SEC22C: variants seen among roughly 807,000 people sequenced by gnomAD.
SEC22C encodes SEC22 homolog C, vesicle trafficking protein.
Under a neutral mutation model 34.7 loss-of-function variants are expected in SEC22C, and 29 were observed. That is an observed-to-expected ratio of 0.84 (90% CI 0.62 to 1.14). The LOEUF (loss-of-function observed/expected upper bound fraction) is 1.14. SEC22C is among the 50% of genes most tolerant of loss of function. SEC22C has a pLI of 0.00. For synonymous variants in SEC22C, 117 were observed against 132.8 expected (o/e 0.88, Z 0.82); for missense variants, 337 against 369.0 (o/e 0.91, Z 0.71).
intron 2 of SEC22C, among the ~76,000 whole-genome samples, chr3:42,568,097 A>T (rs534628890): frequency 6.6e-6 from 1 of 152,248 alleles, no homozygotes; most frequent in East Asian, 1.9e-4. Context: ...AAAAATTAAA[A>T]AGTGAAAAAT....
chr3:42,556,109 T>C, intron 5 of SEC22C, 114 bp from the exon 6 acceptor site: 1 of 756,148 alleles, frequency 1.3e-6, no homozygotes, highest in Non-Finnish European at 2.2e-6. Flanking sequence ...ACAAAATCCC[T>C]GGCTGGGTGA....
chr3:42,577,537 C>A (rs1376281599), intron 1 of SEC22C, among the ~76,000 whole-genome samples: 1 of 152,154 alleles, frequency 6.6e-6, no homozygotes, highest in Non-Finnish European at 1.5e-5. Context: ...TATGAAAATG[C>A]AACTTGAGAC....
Position 42,550,473 on chromosome 3 carries a change from C to T in SEC22C, c.*2775G>A. On this transcript the variant is annotated 3_prime_UTR_variant, in exon 7 of 7. Transcript: ENST00000264454. ...CCTGGGGATTTCCCTCGGATGAAATCACCAGAACTTCTTTCCTATTTTCAG... is the reference window on the plus strand; with the variant it reads ...CCTGGGGATTTCCCTCGGATGAAATTACCAGAACTTCTTTCCTATTTTCAG... 1 of 985,418 alleles carries T rather than the reference C, an allele frequency of 1.0e-6. No homozygotes were observed. The highest frequency in any genetic ancestry group is 1.7e-5 in the African/African-American group (1 of 57,354). 61.0% of individuals were successfully genotyped at this position (985,418 alleles called of 1,614,324 possible). A position where few individuals can be genotyped will look rare whatever the true frequency, so the allele number is the denominator to read the frequency against.
In SEC22C at chr3:42,550,283, C is replaced by T; in HGVS notation, c.*2965G>A. ...ATTCCCAGATCTAGTCCAGTGATGT[C>T]AGCTGCACAGGTAGCATTTAACTAC... On this transcript the variant is annotated 3_prime_UTR_variant, in exon 7 of 7. Transcript: ENST00000264454. 1 of 985,434 alleles carries T rather than the reference C, an allele frequency of 1.0e-6. No individual in the cohort carries two copies. Among genetic ancestry groups the T allele is most frequent in the Non-Finnish European group, 1.2e-6 (1 of 829,934 alleles). 61.0% of individuals were successfully genotyped at this position (985,434 alleles called of 1,614,324 possible). A position where few individuals can be genotyped will look rare whatever the true frequency, so the allele number is the denominator to read the frequency against.
At chr3:42,585,908 T>TC (rs1241338002), upstream of SEC22C, among the ~76,000 whole-genome samples, 6 of 151,996 alleles carry the variant, frequency 3.9e-5, no homozygotes, top group African/African-American at 1.4e-4. Flanking sequence ...CTTCCAAATA[T>TC]CCTGCATGCT....
At chr3:42,553,533 T>A in intron 6 of SEC22C, 85 bp from the exon 7 acceptor site, 1 of 1,519,216 alleles carries the variant, frequency 6.6e-7, no homozygotes. Context: ...ACAGCTTCCA[T>A]GAAGAGTGTC....
Position 42,550,198 on chromosome 3 carries a change from C to T in SEC22C, c.*3050G>A. On this transcript the variant is annotated 3_prime_UTR_variant, in exon 7 of 7. Transcript: ENST00000264454. Reference sequence around the variant, plus strand: ...CTTAACACACTCTGATGCTCAAGGCCTTGCAGCATCTGATACCAGAAGGCA... The same window carrying T: ...CTTAACACACTCTGATGCTCAAGGCTTTGCAGCATCTGATACCAGAAGGCA... 3.0e-6 allele frequency: 3 copies of T among 985,474 alleles called. No individual in the cohort carries two copies. Among genetic ancestry groups the T allele is most frequent in the South Asian group, 4.7e-5 (1 of 21,292 alleles). 61.0% of individuals were successfully genotyped at this position (985,474 alleles called of 1,614,324 possible). A position where few individuals can be genotyped will look rare whatever the true frequency, so the allele number is the denominator to read the frequency against.
At chr3:42,600,869 C>T (rs1296080416) in intron 1 of SEC22C, 2 of 604,566 alleles carry the variant, frequency 3.3e-6, no homozygotes, top group East Asian at 7.1e-5. Flanking sequence ...TGCGCTGTCG[C>T]GACGGGCCGG....
intron 1 of SEC22C, among the ~76,000 whole-genome samples, chr3:42,590,638 G>A (rs1457831395): frequency 1.3e-5 from 2 of 151,910 alleles, no homozygotes; most frequent in Non-Finnish European, 2.9e-5. Context: ...ACGCCAGGTA[G>A]GTCAGCAGTA....
intron 1 of SEC22C, among the ~76,000 whole-genome samples, chr3:42,597,251 T>A (rs1185986750): frequency 6.6e-6 from 1 of 152,142 alleles, no homozygotes; most frequent in Non-Finnish European, 1.5e-5. Context: ...GGTTTGACTG[T>A]ACTTTAAAAA....
chr3:42,580,526 G>A (rs1010617630), intron 1 of SEC22C: 5 of 152,230 alleles, frequency 3.3e-5, no homozygotes. Context: ...GAGTGAAGAG[G>A]AGGGTAGAGG....
At chr3:42,554,696 T>A (rs1300094256) in intron 6 of SEC22C, among the ~76,000 whole-genome samples, 3 of 151,836 alleles carry the variant, frequency 2.0e-5, no homozygotes, top group Non-Finnish European at 4.4e-5. Context: ...AAGGAAAGCG[T>A]CCTAAGAACA....
intron 1 of SEC22C, chr3:42,594,745 G>T (rs1354537952): frequency 2.8e-6 from 1 of 351,698 alleles, no homozygotes; most frequent in Non-Finnish European, 5.2e-6. Context: ...GTTGAGCCCA[G>T]GTGTCCTCTT....
At chr3:42,591,516 A>G (rs773136134) in intron 1 of SEC22C, 6 of 1,611,668 alleles carry the variant, frequency 3.7e-6, no homozygotes, top group Non-Finnish European at 5.1e-6. Flanking sequence ...TCTTTCTCTG[A>G]TCTTTCAGCT....
intron 6 of SEC22C, among the ~76,000 whole-genome samples, chr3:42,555,022 A>G (rs1251928004): frequency 6.6e-6 from 1 of 152,122 alleles, no homozygotes; most frequent in Non-Finnish European, 1.5e-5. Context: ...TCTTTGACCT[A>G]GTCTTATATA....
rs1334795234 is a variant in SEC22C, at chr3:42,550,326, T to C, written c.*2922A>G. 1 of 985,458 alleles carries C rather than the reference T, an allele frequency of 1.0e-6. No homozygotes were observed. 61.0% of individuals were successfully genotyped at this position (985,458 alleles called of 1,614,324 possible). A position where few individuals can be genotyped will look rare whatever the true frequency, so the allele number is the denominator to read the frequency against. On this transcript the variant is annotated 3_prime_UTR_variant, in exon 7 of 7. Transcript: ENST00000264454. ...TTAACTACTGGGAAAACAAAAGTGC[T>C]ACAACAACAGTGAGTCCATGGTGGA...
rs761847539 is a variant in SEC22C at position 42,549,201 on chromosome 3, T to C, written c.*4047A>G. 4.5e-5 allele frequency: 44 copies of C among 986,696 alleles called. No homozygotes were observed. The highest frequency in any genetic ancestry group is 5.2e-5 in the Non-Finnish European group (43 of 830,760). The allele number at this position is 986,696 out of a possible 1,614,324, so 61.1% of individuals were successfully genotyped here. A position where few individuals can be genotyped will look rare whatever the true frequency, so the allele number is the denominator to read the frequency against. On this transcript the variant is annotated 3_prime_UTR_variant, in exon 7 of 7. Coordinates refer to ENST00000264454, the MANE Select transcript of SEC22C (RefSeq NM_032970.4). ...CTGTGCAATATTCTACACGAAAACA[T>C]TTGGAATGTGAGCAATGTCTGAACA...
rs34077739 is a variant in SEC22C at position 42,549,911 on chromosome 3, T to C, written c.*3337A>G. The C allele has an allele frequency of 0.093, 91,441 of 985,394 alleles. 4,373 individuals carry two copies. Among genetic ancestry groups the C allele is most frequent in the South Asian group, 0.14 (2,888 of 21,280 alleles). The allele number at this position is 985,394 out of a possible 1,614,324, so 61.0% of individuals were successfully genotyped here. ...GCAAAAGCAGGAGCTTATGGTCACA[T>C]GCCTCCAGCTGCAGGCAGTGGGGCC... is the stretch of plus-strand genomic sequence containing the variant. On this transcript the variant is annotated 3_prime_UTR_variant, in exon 7 of 7. Coordinates refer to ENST00000264454, the MANE Select transcript of SEC22C (RefSeq NM_032970.4).
intron 1 of SEC22C, chr3:42,594,445 A>G (rs755887947): frequency 1.2e-6 from 2 of 1,613,900 alleles, no homozygotes; most frequent in Non-Finnish European, 1.7e-6. Flanking sequence ...TTACATAGAA[A>G]TCTCATTTAT....
Sources: gnomAD v4.1 joint callset for allele counts (sites outside exome capture counted in the v4.1 genomes callset) on GRCh38, gnomAD v4.1.1 for gene constraint, MANE v1.5 for transcripts, NCBI Gene and HGNC (gene_info 2026-07-23, HGNC 2026-07-21) for gene names.